The following ITGA9 variants were observed in gnomAD, a reference collection of about 807,000 sequenced individuals.
ITGA9 encodes the protein integrin alpha-9.
A neutral mutation model predicts 127.8 loss-of-function variants in ITGA9; 56 were observed. The observed-to-expected ratio is 0.44, with a 90% CI of 0.35 to 0.55. The LOEUF (loss-of-function observed/expected upper bound fraction) is 0.55, where lower values mean the gene tolerates loss of function less well. Ranked by LOEUF, ITGA9 falls within the 20% of genes least tolerant of loss-of-function variation. The pLI, the probability that ITGA9 is intolerant of heterozygous loss-of-function variation, is 0.00. For missense variants in ITGA9, 1,196 were observed against 1,347.1 expected, an observed-to-expected ratio of 0.89 and a Z score of 1.76; for synonymous variants, 508 against 514.5, an observed-to-expected ratio of 0.99 and a Z score of 0.17.
In ITGA9 at chr3:37,732,756, C is replaced by T; in HGVS notation, c.2112C>T (p.Leu704=). 4 of 1,611,700 alleles carry T rather than the reference C, an allele frequency of 2.5e-6. No homozygotes were observed. The South Asian group carries it at 4.5e-5, about 18-fold the overall frequency. Residue 704 remains leucine, a synonymous_variant, in exon 19 of 28, where the codon CTC becomes CTT. Transcript: ENST00000264741. ...GTGAGCTGCTGGAATCGGACTTCCT[C>T]AAATGCAGCGTGGGATTTCCTTTCA... The part of the protein sequence containing the change: ...ISCELLESDF[L]KCSVGFPFMR...
intron 18 of ITGA9, among the ~76,000 whole-genome samples, chr3:37,715,772 G>A (rs1375196016): frequency 6.6e-6 from 1 of 152,190 alleles, no homozygotes. Context: ...AAGACCACTT[G>A]CTCAGAGTCT....
chr3:37,679,847 G>A (rs1329026674), intron 17 of ITGA9, among the ~76,000 whole-genome samples: 2 of 152,136 alleles, frequency 1.3e-5, no homozygotes, highest in Non-Finnish European at 2.9e-5. Context: ...AGCCAGAGAA[G>A]GGTCCTACCC....
intron 15 of ITGA9, among the ~76,000 whole-genome samples, chr3:37,563,921 CA>C (rs1375366351): frequency 6.6e-6 from 1 of 152,184 alleles, no homozygotes; most frequent in Non-Finnish European, 1.5e-5. Flanking sequence ...TGTCACTTGA[CA>C]ACATAAAGAA....
intron 24 of ITGA9, among the ~76,000 whole-genome samples, chr3:37,779,421 T>C (rs1187105548): frequency 2.0e-5 from 3 of 152,216 alleles, no homozygotes; most frequent in Non-Finnish European, 4.4e-5. Context: ...TACGTCTCTA[T>C]TGTAACTTTT....
chr3:37,713,896 C>A (rs1295066087), intron 18 of ITGA9, among the ~76,000 whole-genome samples: 1 of 152,258 alleles, frequency 6.6e-6, no homozygotes, highest in Non-Finnish European at 1.5e-5. Context: ...AAACCCTACA[C>A]AGACCAGTGT....
intron 18 of ITGA9, among the ~76,000 whole-genome samples, chr3:37,708,559 C>A (rs1701033732): frequency 5.2e-5 from 1 of 19,374 alleles, no homozygotes; most frequent in African/African-American, 2.0e-4. Flanking sequence ...TCCTAAGACA[C>A]AGTTCACAAC....
At chr3:37,526,526 CG>C (rs1237637917) in intron 13 of ITGA9, among the ~76,000 whole-genome samples, 1 of 152,190 alleles carries the variant, frequency 6.6e-6, no homozygotes, top group African/African-American at 2.4e-5. Context: ...CCCTGGGGAC[CG>C]GGAGCCTCCT....
chr3:37,810,180 A>G (rs1208430221), intron 27 of ITGA9, among the ~76,000 whole-genome samples: 2 of 152,340 alleles, frequency 1.3e-5, no homozygotes, highest in South Asian at 4.1e-4. Flanking sequence ...GTCCGGAGCC[A>G]AAAGTGGTTG....
At chr3:37,651,621 T>C (rs1700430258) in intron 16 of ITGA9, among the ~76,000 whole-genome samples, 1 of 152,130 alleles carries the variant, frequency 6.6e-6, no homozygotes, top group African/African-American at 2.4e-5. Context: ...ATGATAAAAT[T>C]GATTAGTTAT....
At chr3:37,738,472 G>A (rs1041036572) in intron 20 of ITGA9, among the ~76,000 whole-genome samples, 2 of 152,226 alleles carry the variant, frequency 1.3e-5, no homozygotes, top group African/African-American at 2.4e-5. Flanking sequence ...AGGAGCCTGG[G>A]CGCTAAACCA....
intron 18 of ITGA9, among the ~76,000 whole-genome samples, chr3:37,699,229 A>G (rs191582679): frequency 1.2e-4 from 18 of 151,924 alleles, no homozygotes; most frequent in Admixed American, 2.6e-4. Flanking sequence ...ACAACTCCCA[A>G]ATTTTCCCCT....
chr3:37,740,008 A>G lies in ITGA9; in HGVS notation c.2235-1722A>G, dbSNP rs572838129. ...GCCCCTGAGGGACTGATGTCACCCCATGTAGGAAGACAGATGAGGAGCCAG... is the reference window on the plus strand; with the variant it reads ...GCCCCTGAGGGACTGATGTCACCCCGTGTAGGAAGACAGATGAGGAGCCAG... On this transcript the variant is annotated intron_variant, in intron 20 of 27. Transcript: ENST00000264741. 3.3e-5 allele frequency among the ~76,000 whole-genome samples: 5 copies of G among 152,336 alleles called. No homozygotes were observed. In the South Asian group the frequency reaches 1.0e-3, roughly 32 times the overall value.
rs1441456354 is a variant in ITGA9, at chr3:37,820,835, GTCTT to G, written c.*1851_*1854del. 6.6e-6 allele frequency: 1 copy of G among 152,184 alleles called. No homozygotes were observed. Among genetic ancestry groups the G allele is most frequent in the East Asian group, 1.9e-4 (1 of 5,194 alleles). 9.4% of individuals were successfully genotyped at this position (152,184 alleles called of 1,614,324 possible). On this transcript the variant is annotated 3_prime_UTR_variant, in exon 28 of 28. Coordinates refer to ENST00000264741, the MANE Select transcript of ITGA9 (RefSeq NM_002207.3). ...GATGAAACAATCTATAAAACCAAGG[GTCTT>G]TCTTATAGCACCTTTTTTACTGGAA...
rs548395527 is a variant in ITGA9 at position 37,490,975 on chromosome 3, C to CCCTTT, written c.545-3526_545-3525insCCTTT. Among the ~76,000 whole-genome samples, 35 of 105,104 alleles carry CCCTTT rather than the reference C, an allele frequency of 3.3e-4. 7 individuals are homozygous for CCCTTT. The highest frequency in any genetic ancestry group is 4.0e-4 in the Admixed American group (4 of 9,972). 69.0% of individuals were successfully genotyped at this position (105,104 alleles called of 152,430 possible). A position where few individuals can be genotyped will look rare whatever the true frequency, so the allele number is the denominator to read the frequency against. On this transcript the variant is annotated intron_variant, in intron 4 of 27. Coordinates refer to ENST00000264741, the MANE Select transcript of ITGA9 (RefSeq NM_002207.3). ...GGTCTCAGATTTGGCTTCCCCCCCG[C>CCCTTT]TTTTTTTTTTTTTTTTTTTGAGACC...
At chr3:37,715,197 G>A (rs569037456) in intron 18 of ITGA9, among the ~76,000 whole-genome samples, 1 of 152,280 alleles carries the variant, frequency 6.6e-6, no homozygotes, top group South Asian at 2.1e-4. Context: ...GTAGGTGACA[G>A]AGCAAAGAAA....
intron 27 of ITGA9, among the ~76,000 whole-genome samples, chr3:37,812,871 GGCT>G (rs1470355783): frequency 6.6e-6 from 1 of 152,242 alleles, no homozygotes; most frequent in African/African-American, 2.4e-5. Flanking sequence ...GTGAGTGTGG[GGCT>G]GCTGGGCATC....
intron 15 of ITGA9, among the ~76,000 whole-genome samples, chr3:37,611,856 CAG>C (rs1027350461): frequency 6.6e-6 from 1 of 152,080 alleles, no homozygotes; most frequent in African/African-American, 2.4e-5. Context: ...GCATGGAGCC[CAG>C]AGAGCCCACT....
At chr3:37,495,132 T>C (rs1269711321) in intron 5 of ITGA9, among the ~76,000 whole-genome samples, 1 of 152,140 alleles carries the variant, frequency 6.6e-6, no homozygotes, top group Non-Finnish European at 1.5e-5. Context: ...CCTGTATTTT[T>C]AGTAGAGACG....
chr3:37,641,314 C>A (rs1229330980), intron 16 of ITGA9, among the ~76,000 whole-genome samples: 1 of 152,140 alleles, frequency 6.6e-6, no homozygotes, highest in Non-Finnish European at 1.5e-5. Context: ...ACCGCCCGTT[C>A]ATGGAAAAAT....
Sources: allele counts gnomAD v4.1 joint callset (sites outside exome capture counted in the v4.1 genomes callset), GRCh38; gene constraint gnomAD v4.1.1; transcripts MANE v1.5; gene names NCBI Gene and HGNC (gene_info 2026-07-23, HGNC 2026-07-21).